DPP6: variants seen among roughly 807,000 people sequenced by gnomAD.
The protein encoded by DPP6 is dipeptidyl peptidase like 6, also known as A-type potassium channel modulatory protein DPP6.
Under a neutral mutation model 122.6 loss-of-function variants are expected in DPP6, and 69 were observed. The ratio of observed to expected loss-of-function variants is 0.56; its 90% CI spans 0.46 to 0.69. DPP6 has a LOEUF of 0.69. DPP6 is among the 30% of genes least tolerant of loss of function. The probability of loss-of-function intolerance (pLI) is 0.00; values close to 1 mark genes in which losing one functional copy is unlikely to be tolerated. For missense variants in DPP6, 928 were observed against 1,116.9 expected (o/e 0.83, Z 2.41); for synonymous variants, 418 against 433.1 (o/e 0.97, Z 0.43).
chr7:153,842,200 G>A, the DPP6 span, among the ~76,000 whole-genome samples: 4 of 152,144 alleles, frequency 2.6e-5, no homozygotes, highest in Non-Finnish European at 5.9e-5. Context: ...AGTCCAAGAA[G>A]CATTATTTAG....
Position 153,928,396 on chromosome 7 carries a change from A to ATTTTTTTTTTTTTTTTTTTTTTTTTTTTT in DPP6, c.51+40687_51+40688insTTTTTTTTTTTTTTTTTTTTTTTTTTTTT, listed in dbSNP as rs71182854. ...CTGGCTAATTTTTTTCTTTTCTTTC[A>ATTTTTTTTTTTTTTTTTTTTTTTTTTTTT]TTTTTTTTTTTTTTTTTTTTTTTTT... On this transcript the variant is annotated intron_variant, in intron 1 of 25. Coordinates refer to the DPP6 transcript ENST00000404039. 1.5e-3 allele frequency among the ~76,000 whole-genome samples: 64 copies of ATTTTTTTTTTTTTTTTTTTTTTTTTTTTT among 43,690 alleles called. 15 individuals are homozygous for ATTTTTTTTTTTTTTTTTTTTTTTTTTTTT. The highest frequency in any genetic ancestry group is 2.4e-3 in the Admixed American group (6 of 2,484). The allele number at this position is 43,690 out of a possible 152,430, so 28.7% of individuals were successfully genotyped here. A position where few individuals can be genotyped will look rare whatever the true frequency, so the allele number is the denominator to read the frequency against.
intron 1 of DPP6, among the ~76,000 whole-genome samples, chr7:154,018,517 A>G (rs397833645): frequency 7.3e-4 from 110 of 151,128 alleles, no homozygotes; most frequent in Non-Finnish European, 6.0e-4. Flanking sequence ...AAGTGTCCCT[A>G]TATATGGAAA....
At chr7:154,775,447 C>G (rs1050898384) in intron 10 of DPP6, among the ~76,000 whole-genome samples, 3 of 152,058 alleles carry the variant, frequency 2.0e-5, no homozygotes, top group African/African-American at 7.2e-5. Context: ...AGCCAACCAC[C>G]CAACCAGCAT....
intron 5 of DPP6, among the ~76,000 whole-genome samples, chr7:154,575,739 ATGTG>A (rs1365305877): frequency 2.8e-5 from 3 of 106,300 alleles, no homozygotes; most frequent in African/African-American, 1.1e-4. Context: ...TGGTATGTGT[ATGTG>A]TGTGTGGTGT....
chr7:154,147,464 TC>T (rs1353977743), intron 1 of DPP6, among the ~76,000 whole-genome samples: 3,466 of 145,300 alleles, frequency 0.024, no homozygotes, highest in African/African-American at 0.08. Context: ...CTTCCTTCCT[TC>T]CTTCCTTCCT....
intron 1 of DPP6, among the ~76,000 whole-genome samples, chr7:154,053,788 C>T (rs1490308272): frequency 1.3e-5 from 2 of 150,430 alleles, no homozygotes; most frequent in Non-Finnish European, 3.0e-5. Context: ...AAAACTTCTC[C>T]GAGAGCACAT....
intron 1 of DPP6, among the ~76,000 whole-genome samples, chr7:154,337,655 C>G (rs1809546055): frequency 6.6e-6 from 1 of 152,154 alleles, no homozygotes; most frequent in South Asian, 2.1e-4. Context: ...CAGGGTTCTT[C>G]CCAGGCAGAT....
rs543155000 is a variant in DPP6, at chr7:154,515,856, G to A, written c.458-24676G>A. 9.2e-5 allele frequency among the ~76,000 whole-genome samples: 14 copies of A among 152,250 alleles called. No individual in the cohort carries two copies. In the South Asian group the frequency reaches 1.0e-3, roughly 11 times the overall value. Reference sequence around the variant, plus strand: ...CCAGCTCTAAGTTCCCACAGTGCACGGAGGCCCAGATGATCACTGCAGGAA... The same window carrying A: ...CCAGCTCTAAGTTCCCACAGTGCACAGAGGCCCAGATGATCACTGCAGGAA... On this transcript the variant is annotated intron_variant, in intron 3 of 25. Transcript: ENST00000377770.
At chr7:154,774,978 C>T (rs1796473804) in intron 10 of DPP6, among the ~76,000 whole-genome samples, 1 of 152,192 alleles carries the variant, frequency 6.6e-6, no homozygotes, top group Non-Finnish European at 1.5e-5. Flanking sequence ...ACATTTGGGG[C>T]TCAGCAATTC....
the DPP6 span, among the ~76,000 whole-genome samples, chr7:153,763,939 C>A: frequency 1.3e-5 from 2 of 152,156 alleles, no homozygotes; most frequent in Non-Finnish European, 2.9e-5. Flanking sequence ...TAGACATGAT[C>A]TCCACCCTTT....
chr7:154,275,879 C>T (rs1004016337), intron 1 of DPP6, among the ~76,000 whole-genome samples: 1 of 152,286 alleles, frequency 6.6e-6, no homozygotes, highest in Non-Finnish European at 1.5e-5. Flanking sequence ...TCACCCCACT[C>T]TTTCCTTCCC....
intron 10 of DPP6, among the ~76,000 whole-genome samples, chr7:154,780,930 T>G (rs1796983506): frequency 6.6e-6 from 1 of 151,812 alleles, no homozygotes; most frequent in Non-Finnish European, 1.5e-5. Flanking sequence ...GATAGATAGA[T>G]GAATAGGTGG....
chr7:153,950,809 T>A (rs1486114642), intron 1 of DPP6, among the ~76,000 whole-genome samples: 2 of 152,076 alleles, frequency 1.3e-5, no homozygotes, highest in African/African-American at 2.4e-5. Context: ...AAGGAACATA[T>A]CGGTGGTGGA....
chr7:153,977,598 T>G (rs71530422), intron 1 of DPP6, among the ~76,000 whole-genome samples: 11 of 152,286 alleles, frequency 7.2e-5, no homozygotes, highest in South Asian at 2.1e-4. Flanking sequence ...GGGATACATG[T>G]TGCAGAATGT....
At chr7:154,482,054 C>T (rs754300313) in intron 3 of DPP6, among the ~76,000 whole-genome samples, 7 of 152,214 alleles carry the variant, frequency 4.6e-5, no homozygotes, top group Non-Finnish European at 8.8e-5. Context: ...TGTGATTTCA[C>T]ATAGAATGGT....
At chr7:154,792,694 T>C (rs1216857921) in intron 10 of DPP6, among the ~76,000 whole-genome samples, 1 of 152,156 alleles carries the variant, frequency 6.6e-6, no homozygotes, top group East Asian at 1.9e-4. Context: ...GGGGAGCAGA[T>C]GGTGGGAAGA....
At chr7:154,250,139 G>C (rs562155935) in intron 1 of DPP6, among the ~76,000 whole-genome samples, 7 of 152,176 alleles carry the variant, frequency 4.6e-5, no homozygotes, top group Admixed American at 1.3e-4. Flanking sequence ...ACCCTCTCAA[G>C]CGGACTCCCT....
intron 1 of DPP6, among the ~76,000 whole-genome samples, chr7:154,264,732 CAATGGTGTT>C (rs1313258192): frequency 1.8e-5 from 2 of 112,386 alleles, no homozygotes; most frequent in African/African-American, 6.6e-5. Context: ...GTGATAGTGA[CAATGGTGTT>C]AATGATGTTA....
Position 154,339,708 on chromosome 7 carries a change from G to T in DPP6, c.244-106506G>T, listed in dbSNP as rs1168634579. Among the ~76,000 whole-genome samples, 7 of 152,160 alleles carry T rather than the reference G, an allele frequency of 4.6e-5. No homozygotes were observed. The East Asian group carries it at 1.4e-3, about 29-fold the overall frequency. On this transcript the variant is annotated intron_variant, in intron 1 of 25. Transcript: ENST00000377770. Reference sequence around the variant, plus strand: ...AAATTAAAATAGGAAGCAGTCTTTGGTATGAAAGTGGCATATTTTAAGTGC... The same window carrying T: ...AAATTAAAATAGGAAGCAGTCTTTGTTATGAAAGTGGCATATTTTAAGTGC...
Sources: allele counts gnomAD v4.1 joint callset (sites outside exome capture counted in the v4.1 genomes callset), GRCh38; gene constraint gnomAD v4.1.1; transcripts MANE v1.5; gene names NCBI Gene and HGNC (gene_info 2026-07-23, HGNC 2026-07-21).